SMYD3: variants seen among roughly 807,000 people sequenced by gnomAD.
SMYD3 encodes SET and MYND domain containing 3.
SMYD3 carries 36 observed loss-of-function variants against 57.7 expected under a neutral mutation model. The ratio of observed to expected loss-of-function variants is 0.62; its 90% CI spans 0.48 to 0.82. The LOEUF is 0.82. Ranked by LOEUF, SMYD3 falls within the 40% of genes least tolerant of loss-of-function variation. The probability of loss-of-function intolerance (pLI) is 0.00; values close to 1 mark genes in which losing one functional copy is unlikely to be tolerated. For missense variants in SMYD3, 515 were observed against 538.8 expected (o/e 0.96, Z 0.44); for synonymous variants, 211 against 195.0 (o/e 1.08, Z -0.68).
chr1:245,951,926 T>G (rs2057667318), intron 5 of SMYD3, among the ~76,000 whole-genome samples: 1 of 152,172 alleles, frequency 6.6e-6, no homozygotes. Context: ...TACATCTAAA[T>G]GCAAAACAGA....
chr1:246,443,399 G>GC (rs1229035980), intron 1 of SMYD3, among the ~76,000 whole-genome samples: 2 of 152,144 alleles, frequency 1.3e-5, no homozygotes, highest in African/African-American at 2.4e-5. Context: ...TCCTCAAAAG[G>GC]CAACAGTCTC....
chr1:246,255,522 C>G (rs6695677), intron 5 of SMYD3, among the ~76,000 whole-genome samples: 31,460 of 151,710 alleles, frequency 0.21, 3,956 homozygotes, highest in East Asian at 0.58. Flanking sequence ...TCCCAGGAAT[C>G]AAGCCTACTT....
intron 5 of SMYD3, among the ~76,000 whole-genome samples, chr1:246,173,813 CT>C (rs113120804): frequency 1.3e-5 from 2 of 150,940 alleles, no homozygotes; most frequent in Non-Finnish European, 3.0e-5. Flanking sequence ...TTTTTTAATG[CT>C]TTTTTTTTCT....
chr1:246,181,065 G>T lies in SMYD3; in HGVS notation c.531+146136C>A, dbSNP rs141867801. On this transcript the variant is annotated intron_variant, in intron 5 of 11. Transcript: ENST00000490107. ...ATTACTATCATTCATCTCTCCACATGCATTCCCATCCTTGAGAAGTGGTAG... is the reference window on the plus strand; with the variant it reads ...ATTACTATCATTCATCTCTCCACATTCATTCCCATCCTTGAGAAGTGGTAG... Among the ~76,000 whole-genome samples the T allele has an allele frequency of 3.9e-5, 6 of 152,200 alleles. No homozygotes were observed. In the East Asian group the frequency reaches 1.2e-3, roughly 29 times the overall value.
intron 1 of SMYD3, among the ~76,000 whole-genome samples, chr1:246,495,735 G>C (rs1316601120): frequency 6.6e-6 from 1 of 151,916 alleles, no homozygotes; most frequent in Non-Finnish European, 1.5e-5. Context: ...GAGCTCAGGA[G>C]ATCAAGACCA....
intron 5 of SMYD3, among the ~76,000 whole-genome samples, chr1:246,174,586 A>G (rs1275476191): frequency 2.0e-5 from 3 of 152,208 alleles, no homozygotes; most frequent in Non-Finnish European, 4.4e-5. Flanking sequence ...AGCTGGGACT[A>G]CAGGCACATG....
Position 246,386,678 on chromosome 1 carries a change from G to A in SMYD3, c.165-31584C>T, listed in dbSNP as rs531966856. Among the ~76,000 whole-genome samples the A allele has an allele frequency of 7.9e-5, 12 of 151,632 alleles. No homozygotes were observed. The East Asian group carries it at 2.1e-3, about 27-fold the overall frequency. The stretch of plus-strand genomic sequence containing the variant: ...AAAATTGTCAGTCACTCATGTTACT[G>A]AGGAGACCATATAAGAACTGAGACT... On this transcript the variant is annotated intron_variant, in intron 1 of 11. Transcript: ENST00000490107.
At chr1:246,406,942 G>T (rs973707442) in intron 1 of SMYD3, among the ~76,000 whole-genome samples, 5 of 152,336 alleles carry the variant, frequency 3.3e-5, no homozygotes, top group African/African-American at 1.2e-4. Context: ...GCAAGGAGAA[G>T]TCTCTTGGGA....
intron 5 of SMYD3, among the ~76,000 whole-genome samples, chr1:246,058,173 C>A (rs1643878700): frequency 6.6e-6 from 1 of 152,144 alleles, no homozygotes; most frequent in Non-Finnish European, 1.5e-5. Flanking sequence ...ATTCATCTGT[C>A]CAAACACGGA....
chr1:246,086,783 G>C (rs1477478220), intron 5 of SMYD3, among the ~76,000 whole-genome samples: 1 of 151,730 alleles, frequency 6.6e-6, no homozygotes, highest in African/African-American at 2.4e-5. Context: ...TTGTTATGTA[G>C]GTAAATGTGT....
intron 5 of SMYD3, among the ~76,000 whole-genome samples, chr1:246,140,486 G>A (rs1317796944): frequency 6.6e-6 from 1 of 152,226 alleles, no homozygotes; most frequent in African/African-American, 2.4e-5. Context: ...CTGTGCAACA[G>A]AGAACGGAAG....
chr1:246,054,170 A>G (rs10754495), intron 5 of SMYD3, among the ~76,000 whole-genome samples: 33,244 of 152,106 alleles, frequency 0.22, 5,311 homozygotes, highest in African/African-American at 0.45. Flanking sequence ...TTAAAAAGAT[A>G]AGCAGTAGCA....
At chr1:246,382,037 A>C (rs936940019) in intron 1 of SMYD3, among the ~76,000 whole-genome samples, 1 of 148,470 alleles carries the variant, frequency 6.7e-6, no homozygotes, top group Non-Finnish European at 1.5e-5. Context: ...TCCAGCTGAC[A>C]CCTATGGGAT....
chr1:246,421,786 T>G (rs1400713797), intron 1 of SMYD3, among the ~76,000 whole-genome samples: 4 of 152,172 alleles, frequency 2.6e-5, no homozygotes, highest in Admixed American at 1.3e-4. Context: ...AAGTGCAATG[T>G]GAGGAACAGA....
At chr1:246,418,684 T>C (rs1043935992) in intron 1 of SMYD3, among the ~76,000 whole-genome samples, 2 of 152,170 alleles carry the variant, frequency 1.3e-5, no homozygotes, top group Admixed American at 6.5e-5. Flanking sequence ...AGAAGGGAAA[T>C]GGTTTTCTCC....
intron 5 of SMYD3, among the ~76,000 whole-genome samples, chr1:246,323,573 C>T (rs1195665682): frequency 6.6e-6 from 1 of 152,138 alleles, no homozygotes; most frequent in East Asian, 1.9e-4. Context: ...AATATGCTCT[C>T]GGGATTAAGA....
intron 5 of SMYD3, among the ~76,000 whole-genome samples, chr1:246,153,558 C>G (rs1432628869): frequency 1.3e-5 from 2 of 152,214 alleles, no homozygotes; most frequent in African/African-American, 2.4e-5. Flanking sequence ...GCCTTGAACT[C>G]CTGGGTTCAA....
At chr1:246,283,212 G>A (rs1250944199) in intron 5 of SMYD3, among the ~76,000 whole-genome samples, 2 of 152,198 alleles carry the variant, frequency 1.3e-5, no homozygotes, top group Non-Finnish European at 2.9e-5. Flanking sequence ...TTCTACAAAT[G>A]TAATCTTGGG....
chr1:245,812,471 C>G (rs1308731464), intron 10 of SMYD3, among the ~76,000 whole-genome samples: 1 of 152,104 alleles, frequency 6.6e-6, no homozygotes, highest in Non-Finnish European at 1.5e-5. Context: ...GTCCTGTGCT[C>G]TACGAGAGGG....
Sources: allele counts gnomAD v4.1 joint callset (sites outside exome capture counted in the v4.1 genomes callset), GRCh38; gene constraint gnomAD v4.1.1; transcripts MANE v1.5; gene names NCBI Gene and HGNC (gene_info 2026-07-23, HGNC 2026-07-21).